DEF6: variants seen among roughly 807,000 people sequenced by gnomAD.
DEF6 encodes DEF6 guanine nucleotide exchange factor.
In DEF6, 32 loss-of-function variants were observed where a neutral mutation model predicts 80.5. The observed-to-expected ratio is 0.40, with a 90% CI of 0.30 to 0.53. DEF6 has a LOEUF of 0.53. DEF6 is among the 20% of genes least tolerant of loss of function. DEF6 has a pLI of 0.57. For synonymous variants in DEF6, 300 were observed against 337.9 expected (o/e 0.89, Z 1.23); for missense variants, 575 against 818.7 (o/e 0.70, Z 3.63).
Position 35,312,550 on chromosome 6 carries a change from T to C in DEF6, c.660+12T>C. 6.2e-7 allele frequency: 1 copy of C among 1,613,904 alleles called. No individual in the cohort carries two copies. Among genetic ancestry groups the C allele is most frequent in the Non-Finnish European group, 8.5e-7 (1 of 1,179,890 alleles). On this transcript the variant is annotated intron_variant, in intron 4 of 10. Transcript: ENST00000316637. The surrounding 1 kb of genome is among the most constrained non-coding windows in gnomAD (Gnocchi z 6.6). Reference sequence around the variant, plus strand: ...ATGTCCTGAAGCAGGTCAGGCAAGCTGGGAACTAGGGGAAGCACACAAGGT... The same window carrying C: ...ATGTCCTGAAGCAGGTCAGGCAAGCCGGGAACTAGGGGAAGCACACAAGGT...
At chr6:35,301,097 T>C (rs1228265145) in intron 1 of DEF6, among the ~76,000 whole-genome samples, 2 of 152,090 alleles carry the variant, frequency 1.3e-5, no homozygotes, top group African/African-American at 2.4e-5. Context: ...CCAGCTGATA[T>C]TCAGGGCAGT....
chr6:35,300,715 T>C (rs1791303060), intron 1 of DEF6, among the ~76,000 whole-genome samples: 1 of 152,178 alleles, frequency 6.6e-6, no homozygotes, highest in African/African-American at 2.4e-5. Flanking sequence ...AACACAAAAC[T>C]TCCCAGGAGT....
chr6:35,318,281 C>A lies in DEF6; in HGVS notation c.1025C>A (p.Ala342Asp). The A allele has an allele frequency of 6.4e-7, 1 of 1,564,740 alleles. No homozygotes were observed. The highest frequency in any genetic ancestry group is 2.4e-5 in the East Asian group (1 of 42,176). ...GAGCAGCGGGAGCGGCGCCGGGCGG[C>A]CAAGGAAGAGGAGCTGCTGCGGCTG... ...QREQRERRRA[A>D]KEEELLRLQQ... Residue 342 changes from alanine to aspartate, a missense_variant, in exon 7 of 11, where the codon GCC (alanine) becomes GAC (aspartate). Ala to Asp is a moderately radical substitution (Grantham distance 126). Coordinates refer to ENST00000316637, the MANE Select transcript of DEF6 (RefSeq NM_022047.4). The surrounding 1 kb of genome is among the most constrained non-coding windows in gnomAD (Gnocchi z 5.1).
chr6:35,299,210 C>G (rs1315482600), intron 1 of DEF6, among the ~76,000 whole-genome samples: 1 of 152,190 alleles, frequency 6.6e-6, no homozygotes, highest in Non-Finnish European at 1.5e-5. Flanking sequence ...CAGGCAGATT[C>G]TTCCTTACAT....
At chr6:35,304,567 GA>G (rs1341076531) in intron 1 of DEF6, among the ~76,000 whole-genome samples, 1 of 152,206 alleles carries the variant, frequency 6.6e-6, no homozygotes, top group African/African-American at 2.4e-5. Context: ...TGAGGTCAGA[GA>G]AGGTGCAGCA....
chr6:35,312,175 G>GC lies in DEF6; in HGVS notation c.424-122dup. The GC allele has an allele frequency of 1.3e-6, 1 of 744,830 alleles. No homozygotes were observed. Among genetic ancestry groups the GC allele is most frequent in the African/African-American group, 1.8e-5 (1 of 56,684 alleles). The allele number at this position is 744,830 out of a possible 1,614,324, so 46.1% of individuals were successfully genotyped here. On this transcript the variant is annotated intron_variant, in intron 3 of 10. Transcript: ENST00000316637. This position sits in a 1 kb window ranked among gnomAD's most constrained non-coding sequence, Gnocchi z 6.6. ...TGGCTCCATAACATTCGGTCCTCTG[G>GC]CCCCCTCAACGCTCTGTCCCCTGTT...
At position 35,318,457 on chromosome 6, in the gene DEF6, C is replaced by T; in HGVS notation, c.1201C>T (p.Arg401Cys). 6.9e-7 allele frequency: 1 copy of T among 1,452,900 alleles called. No homozygotes were observed. Among genetic ancestry groups the T allele is most frequent in the Non-Finnish European group, 9.0e-7 (1 of 1,111,088 alleles). 90.0% of individuals were successfully genotyped at this position (1,452,900 alleles called of 1,614,324 possible). A position where few individuals can be genotyped will look rare whatever the true frequency, so the allele number is the denominator to read the frequency against. ...GCAGCAGGCGCTCGAGGGCCAACTG[C>T]GCGAGGCGGAGCAGGTGGGGTTAGC... ...ELQQALEGQL[R>C]EAEQARASMQ... The change falls in exon 7 of 11, where the codon CGC (arginine) becomes TGC (cysteine). Residue 401 changes from arginine to cysteine, a missense_variant. Physicochemically the swap from Arg to Cys is radical, Grantham distance 180. Transcript: ENST00000316637. The surrounding 1 kb of genome is among the most constrained non-coding windows in gnomAD (Gnocchi z 5.1).
chr6:35,309,945 C>T, intron 2 of DEF6, 135 bp downstream of exon 2: 1 of 1,066,358 alleles, frequency 9.4e-7, no homozygotes, highest in South Asian at 1.6e-5. Flanking sequence ...TCCGTGACTG[C>T]TGTCCCATCA....
In DEF6 at chr6:35,318,063, G is replaced by C; in HGVS notation, c.916+64G>C. On this transcript the variant is annotated intron_variant, in intron 6 of 10. Coordinates refer to ENST00000316637, the MANE Select transcript of DEF6 (RefSeq NM_022047.4). This position sits in a 1 kb window ranked among gnomAD's most constrained non-coding sequence, Gnocchi z 5.1. The stretch of plus-strand genomic sequence containing the variant: ...TAGGCGCCTCATCTGTGAAAAGGGG[G>C]TGATAATACTTTGTCCAGCGGGAGG... 10 of 1,563,108 alleles carry C rather than the reference G, an allele frequency of 6.4e-6. No individual in the cohort carries two copies. The highest frequency in any genetic ancestry group is 8.7e-6 in the Non-Finnish European group (10 of 1,153,038).
Position 35,321,271 on chromosome 6 carries a change from C to T in DEF6, c.1757C>T (p.Thr586Ile). ...AHRDSSLKRL[T>I]RWGSQGNRTP... Reference sequence around the variant, plus strand: ...CGTGACTCCTCCCTAAAGCGCCTGACCCGCTGGGGATCCCAGGGCAACAGG... The same window carrying T: ...CGTGACTCCTCCCTAAAGCGCCTGATCCGCTGGGGATCCCAGGGCAACAGG... The change falls in exon 11 of 11, where the codon ACC becomes ATC. Residue 586 changes from threonine to isoleucine, a missense_variant. Coordinates refer to ENST00000316637, the MANE Select transcript of DEF6 (RefSeq NM_022047.4). The T allele has an allele frequency of 6.2e-7, 1 of 1,613,972 alleles. No individual in the cohort carries two copies. Among genetic ancestry groups the T allele is most frequent in the Non-Finnish European group, 8.5e-7 (1 of 1,180,014 alleles).
Position 35,312,204 on chromosome 6 carries a change from C to A in DEF6, c.424-98C>A. The A allele has an allele frequency of 9.7e-7, 1 of 1,035,430 alleles. No homozygotes were observed. 64.1% of individuals were successfully genotyped at this position (1,035,430 alleles called of 1,614,324 possible). Reference sequence around the variant, plus strand: ...CCTCAACGCTCTGTCCCCTGTTTCCCTCTGCCCAGGCTCTGGGAGCCAGAT... The same window carrying A: ...CCTCAACGCTCTGTCCCCTGTTTCCATCTGCCCAGGCTCTGGGAGCCAGAT... On this transcript the variant is annotated intron_variant, in intron 3 of 10. Coordinates refer to ENST00000316637, the MANE Select transcript of DEF6 (RefSeq NM_022047.4). The surrounding 1 kb of genome is among the most constrained non-coding windows in gnomAD (Gnocchi z 6.6).
rs746197755 is a variant in DEF6, at chr6:35,312,409, G to C, written c.531G>C (p.Gly177=). Residue 177 remains glycine (G), a synonymous_variant, in exon 4 of 11, where the codon GGG becomes GGC. Transcript: ENST00000316637. The surrounding 1 kb of genome is among the most constrained non-coding windows in gnomAD (Gnocchi z 6.6). ...AGGCCCAGGTGGCCCAGACCACCGG[G>C]GGGCTCAGCGTCTGGCAGTTCCTGG... The part of the protein sequence containing the change: ...AQEAQVAQTT[G]GLSVWQFLEL... The C allele has an allele frequency of 3.1e-6, 5 of 1,614,170 alleles. No individual in the cohort carries two copies. The highest frequency in any genetic ancestry group is 4.2e-6 in the Non-Finnish European group (5 of 1,180,034).
intron 1 of DEF6, among the ~76,000 whole-genome samples, chr6:35,306,748 T>C (rs909058302): frequency 6.6e-6 from 1 of 152,248 alleles, no homozygotes; most frequent in Admixed American, 6.5e-5. Context: ...TACATGCCAG[T>C]GTAGTATGCA....
intron 1 of DEF6, among the ~76,000 whole-genome samples, chr6:35,299,297 C>CA (rs1045326724): frequency 2.0e-5 from 3 of 152,134 alleles, no homozygotes; most frequent in Non-Finnish European, 4.4e-5. Context: ...GTCGATCATC[C>CA]AAAATCCATT....
rs546403513 is a variant in DEF6, at chr6:35,311,165, G to A, written c.423+521G>A. 2.0e-5 allele frequency among the ~76,000 whole-genome samples: 3 copies of A among 152,220 alleles called. No homozygotes were observed. In the South Asian group the frequency reaches 6.2e-4, roughly 32 times the overall value. On this transcript the variant is annotated intron_variant, in intron 3 of 10. Coordinates refer to ENST00000316637, the MANE Select transcript of DEF6 (RefSeq NM_022047.4). ...AGGGCATCCTGGGAGAAAAGGCTGG[G>A]AATCTGGTCCCTATCTCCTTACTCC... is the stretch of plus-strand genomic sequence containing the variant.
At chr6:35,314,755 G>A (rs1299109964) in intron 5 of DEF6, among the ~76,000 whole-genome samples, 1 of 152,142 alleles carries the variant, frequency 6.6e-6, no homozygotes, top group Non-Finnish European at 1.5e-5. Context: ...TGGCTGTCCT[G>A]AAGCTTTTTA....
At chr6:35,298,151 A>G (rs1791264408) in intron 1 of DEF6, among the ~76,000 whole-genome samples, 199 bp downstream of exon 1, 2 of 152,148 alleles carry the variant, frequency 1.3e-5, no homozygotes, top group African/African-American at 4.8e-5. Context: ...CCAGAGACCT[A>G]GTGAAGTGTG....
At chr6:35,302,198 C>T (rs1238793196) in intron 1 of DEF6, among the ~76,000 whole-genome samples, 3 of 151,878 alleles carry the variant, frequency 2.0e-5, no homozygotes. Flanking sequence ...CCCAACTCTA[C>T]AAAAAATGAA....
chr6:35,298,028 G>A (rs757872388), intron 1 of DEF6, 76 bp downstream of exon 1: 2 of 1,309,048 alleles, frequency 1.5e-6, no homozygotes, highest in Admixed American at 2.0e-5. Flanking sequence ...GCCAGGTGTG[G>A]ACACTGTGCC....
Sources: gnomAD v4.1 joint callset for allele counts (sites outside exome capture counted in the v4.1 genomes callset) on GRCh38, gnomAD v4.1.1 for gene constraint, Gnocchi (gnomAD v3.1) non-coding constraint, MANE v1.5 for transcripts, NCBI Gene and HGNC (gene_info 2026-07-23, HGNC 2026-07-21) for gene names.